The following RTN4IP1 variants were observed in gnomAD, a reference collection of about 807,000 sequenced individuals.
The protein encoded by RTN4IP1 is reticulon 4 interacting protein 1.
Under a neutral mutation model 46.6 loss-of-function variants are expected in RTN4IP1, and 32 were observed. That is an observed-to-expected ratio of 0.69 (90% confidence interval 0.52 to 0.92). RTN4IP1 has a LOEUF of 0.92. RTN4IP1 is among the 40% of genes least tolerant of loss of function. The pLI is 0.00. For synonymous variants in RTN4IP1, 167 were observed against 161.8 expected (o/e 1.03, Z -0.24); for missense variants, 424 against 485.8 (o/e 0.87, Z 1.20).
In RTN4IP1 at chr6:106,583,327, C is replaced by T. The variant is rs757119309; in HGVS notation, c.1083+1G>A. On this transcript the variant is annotated splice_donor_variant, in intron 8 of 8. Transcript: ENST00000369063. LOFTEE classifies it high-confidence loss of function. ...CAATCCAGGTTTCCAGGTGCACGTA[C>T]CTTTCCCGCATCCACCAGTTCTGCA... 66 of 1,612,612 alleles carry T rather than the reference C, an allele frequency of 4.1e-5. No homozygotes were observed. Among genetic ancestry groups the T allele is most frequent in the Non-Finnish European group, 4.2e-5 (49 of 1,178,982 alleles).
intron 5 of RTN4IP1, among the ~76,000 whole-genome samples, chr6:106,593,578 C>A (rs1355534130): frequency 1.3e-5 from 2 of 152,132 alleles, no homozygotes; most frequent in Non-Finnish European, 2.9e-5. Context: ...CACTAGAATA[C>A]AAGGGATCTG....
At chr6:106,582,691 G>C (rs543293212) in intron 8 of RTN4IP1, among the ~76,000 whole-genome samples, 73 of 152,234 alleles carry the variant, frequency 4.8e-4, no homozygotes, top group Non-Finnish European at 9.3e-4. Context: ...TTTAGACCAT[G>C]TAAAAACCCA....
At chr6:106,629,501 C>T, upstream of RTN4IP1, 1 of 821,778 alleles carries the variant, frequency 1.2e-6, no homozygotes, top group Non-Finnish European at 1.8e-6. Context: ...GGCTTTGCGG[C>T]GCCAACCAAT....
chr6:106,602,785 C>T, intron 5 of RTN4IP1, 89 bp downstream of exon 5: 3 of 876,082 alleles, frequency 3.4e-6, no homozygotes, highest in South Asian at 1.9e-5. Context: ...CTACCTTTCT[C>T]TCAGCTTTTA....
intron 8 of RTN4IP1, among the ~76,000 whole-genome samples, chr6:106,577,447 C>CAAAAAAAAAAAA (rs58921891): frequency 1.8e-5 from 1 of 55,410 alleles, no homozygotes; most frequent in African/African-American, 7.9e-5. Flanking sequence ...GACCCTGTCT[C>CAAAAAAAAAAAA]AAAAAAAAAA....
chr6:106,572,644 AC>A (rs768443619), intron 8 of RTN4IP1, among the ~76,000 whole-genome samples: 12 of 152,130 alleles, frequency 7.9e-5, no homozygotes, highest in Non-Finnish European at 1.6e-4. Flanking sequence ...TTCCTCACAG[AC>A]TGTACTTGTT....
At chr6:106,604,022 C>G (rs182905428) in intron 4 of RTN4IP1, among the ~76,000 whole-genome samples, 144 of 152,316 alleles carry the variant, frequency 9.5e-4, no homozygotes, top group African/African-American at 3.2e-3. Flanking sequence ...AGTATCTGTC[C>G]TATTTAACAT....
intron 8 of RTN4IP1, among the ~76,000 whole-genome samples, chr6:106,577,519 A>T (rs4516976): frequency 6.7e-6 from 1 of 149,654 alleles, no homozygotes; most frequent in African/African-American, 2.5e-5. Context: ...TTCCCACCTC[A>T]GGAGCAACCA....
chr6:106,598,751 T>C (rs1313143438), intron 5 of RTN4IP1, among the ~76,000 whole-genome samples: 2 of 151,442 alleles, frequency 1.3e-5, no homozygotes, highest in South Asian at 4.1e-4. Context: ...TTTTGGTGTT[T>C]TGGACATGAA....
At chr6:106,619,567 T>C (rs1289325273) in intron 3 of RTN4IP1, among the ~76,000 whole-genome samples, 1 of 151,642 alleles carries the variant, frequency 6.6e-6, no homozygotes, top group Non-Finnish European at 1.5e-5. Flanking sequence ...AAAATCTTTA[T>C]GATGATCCAC....
intron 4 of RTN4IP1, among the ~76,000 whole-genome samples, chr6:106,616,457 T>A (rs563478511): frequency 7.9e-4 from 121 of 152,298 alleles, no homozygotes; most frequent in African/African-American, 2.8e-3. Context: ...GGTGTTTTTG[T>A]CATTGTTAAT....
chr6:106,619,294 A>G lies in RTN4IP1; in HGVS notation c.528T>C (p.Thr176=), dbSNP rs1776425590. 2 of 1,614,094 alleles carry G rather than the reference A, an allele frequency of 1.2e-6. No homozygotes were observed. The highest frequency in any genetic ancestry group is 1.7e-5 in the Admixed American group (1 of 60,010). The part of the protein sequence containing the change: ...VSHKPKSLTH[T]QAASLPYVAL... Reference sequence around the variant, plus strand: ...CCACATATGGCAAAGAGGCAGCTTGAGTATGAGTGAGTGATTTGGGTTTGT... The same window carrying G: ...CCACATATGGCAAAGAGGCAGCTTGGGTATGAGTGAGTGATTTGGGTTTGT... Residue 176 remains threonine (T), a synonymous_variant, in exon 4 of 9, where the codon ACT becomes ACC. Transcript: ENST00000369063.
At chr6:106,574,611 C>T (rs568257678) in intron 8 of RTN4IP1, among the ~76,000 whole-genome samples, 9 of 152,308 alleles carry the variant, frequency 5.9e-5, no homozygotes, top group Admixed American at 2.6e-4. Context: ...AGAACAACTA[C>T]ATCAGAACCT....
At chr6:106,599,892 TG>T (rs1011808264) in intron 5 of RTN4IP1, among the ~76,000 whole-genome samples, 3 of 151,824 alleles carry the variant, frequency 2.0e-5, no homozygotes, top group African/African-American at 7.3e-5. Flanking sequence ...AGATGCCAAA[TG>T]GTTTTCTTAA....
intron 5 of RTN4IP1, among the ~76,000 whole-genome samples, chr6:106,595,440 T>A (rs1775760274): frequency 6.6e-6 from 1 of 152,160 alleles, no homozygotes; most frequent in African/African-American, 2.4e-5. Flanking sequence ...TATTGGTGGT[T>A]GCGAAATAGT....
chr6:106,576,513 T>C (rs1775230940), intron 8 of RTN4IP1, among the ~76,000 whole-genome samples: 1 of 152,342 alleles, frequency 6.6e-6, no homozygotes, highest in African/African-American at 2.4e-5. Flanking sequence ...ATTCAGTCCC[T>C]AATCACTACA....
chr6:106,607,324 A>G (rs1776105564), intron 4 of RTN4IP1, among the ~76,000 whole-genome samples: 1 of 152,128 alleles, frequency 6.6e-6, no homozygotes, highest in Admixed American at 6.5e-5. Flanking sequence ...GAATACGGGC[A>G]AAAATGATAT....
At chr6:106,574,147 T>C (rs72943057) in intron 8 of RTN4IP1, among the ~76,000 whole-genome samples, 2,201 of 152,306 alleles carry the variant, frequency 0.014, 26 homozygotes, top group Non-Finnish European at 0.023. Context: ...CAGAATGGAA[T>C]GCATTGATGT....
At chr6:106,600,434 T>C (rs912864842) in intron 5 of RTN4IP1, among the ~76,000 whole-genome samples, 2 of 152,158 alleles carry the variant, frequency 1.3e-5, no homozygotes, top group African/African-American at 4.8e-5. Context: ...TATATCACCA[T>C]TTTCACAATT....
Sources: gnomAD v4.1 joint callset for allele counts (sites outside exome capture counted in the v4.1 genomes callset) on GRCh38, gnomAD v4.1.1 for gene constraint, MANE v1.5 for transcripts, NCBI Gene and HGNC (gene_info 2026-07-23, HGNC 2026-07-21) for gene names.